Variants in KCNMA1 observed in about 807,000 individuals in gnomAD.
The protein encoded by KCNMA1 is potassium calcium-activated channel subfamily M alpha 1, also known as Calcium-activated potassium channel subunit alpha-1.
Under a neutral mutation model 140.0 loss-of-function variants are expected in KCNMA1, and 29 were observed. The ratio of observed to expected loss-of-function variants is 0.21; its 90% CI spans 0.15 to 0.28. The LOEUF is 0.28. Among genes scored for constraint, KCNMA1 ranks in the 10% least tolerant of loss-of-function variants. The probability of loss-of-function intolerance (pLI) is 1.00; values close to 1 mark genes in which losing one functional copy is unlikely to be tolerated. For missense variants in KCNMA1, 880 were observed against 1,602.2 expected, an observed-to-expected ratio of 0.55 and a Z score of 7.70; for synonymous variants, 612 against 611.9, an observed-to-expected ratio of 1.00 and a Z score of 0.00.
At chr10:77,055,307 G>T (rs1049303434) in intron 14 of KCNMA1, among the ~76,000 whole-genome samples, 3 of 152,106 alleles carry the variant, frequency 2.0e-5, no homozygotes, top group Non-Finnish European at 2.9e-5. Context: ...TTCTCTTCTG[G>T]TATCCTCTAG....
intron 2 of KCNMA1, among the ~76,000 whole-genome samples, chr10:77,285,062 T>C (rs771209658): frequency 6.6e-6 from 1 of 152,202 alleles, no homozygotes; most frequent in Non-Finnish European, 1.5e-5. Flanking sequence ...GTTTGTAAAA[T>C]GAGTTAATTA....
chr10:77,184,520 T>C (rs1454577273), intron 4 of KCNMA1, among the ~76,000 whole-genome samples: 5 of 152,212 alleles, frequency 3.3e-5, no homozygotes, highest in Non-Finnish European at 5.9e-5. Flanking sequence ...ACTCAGCCTA[T>C]TTCTATTTAA....
At chr10:77,047,268 T>C (rs1465136530) in intron 14 of KCNMA1, among the ~76,000 whole-genome samples, 2 of 152,224 alleles carry the variant, frequency 1.3e-5, no homozygotes, top group African/African-American at 4.8e-5. Flanking sequence ...CGGAATGGAC[T>C]TGAGCCAAAT....
At chr10:77,166,764 A>G (rs555749578) in intron 5 of KCNMA1, among the ~76,000 whole-genome samples, 1 of 152,156 alleles carries the variant, frequency 6.6e-6, no homozygotes, top group Non-Finnish European at 1.5e-5. Flanking sequence ...GGTAACTGCT[A>G]GTGGACATTG....
At position 77,482,468 on chromosome 10, in the gene KCNMA1, C is replaced by T. The variant is rs1044922666; in HGVS notation, c.379-78445G>A. ...AGGTCCCAGGAAGGGGAGGCAGCCT[C>T]CTCCTTCTGTCTCTGACCACGCAGC... On this transcript the variant is annotated intron_variant, in intron 1 of 27. Transcript: ENST00000286628. 1.3e-5 allele frequency among the ~76,000 whole-genome samples: 2 copies of T among 152,220 alleles called. 1 individual carries two copies. Among genetic ancestry groups the T allele is most frequent in the South Asian group, 4.1e-4 (2 of 4,834 alleles).
chr10:76,910,135 A>G, intron 24 of KCNMA1, 39 bp from the exon 25 acceptor site: 4 of 1,611,120 alleles, frequency 2.5e-6, no homozygotes, highest in Non-Finnish European at 3.4e-6. Flanking sequence ...TCTGAAGACC[A>G]CACACAGGCA....
At chr10:76,992,730 C>T (rs961756644) in intron 19 of KCNMA1, among the ~76,000 whole-genome samples, 17 of 152,162 alleles carry the variant, frequency 1.1e-4, no homozygotes, top group African/African-American at 3.4e-4. Flanking sequence ...ATCACGGATG[C>T]TGACATAAGT....
At chr10:77,403,239 G>A (rs1416180758) in intron 2 of KCNMA1, among the ~76,000 whole-genome samples, 1 of 152,272 alleles carries the variant, frequency 6.6e-6, no homozygotes, top group Non-Finnish European at 1.5e-5. Flanking sequence ...ATCAGCCCTG[G>A]TTGCAGGTGG....
At chr10:77,414,781 C>T (rs776333207) in intron 1 of KCNMA1, among the ~76,000 whole-genome samples, 4 of 152,132 alleles carry the variant, frequency 2.6e-5, no homozygotes, top group South Asian at 4.1e-4. Context: ...TGAGCCACCA[C>T]GCCTGGCTGC....
chr10:77,531,700 C>T (rs2154552969), intron 1 of KCNMA1, among the ~76,000 whole-genome samples: 1 of 152,290 alleles, frequency 6.6e-6, no homozygotes, highest in Middle Eastern at 3.4e-3. Flanking sequence ...ATGCATAAAC[C>T]CACCAAAGAA....
chr10:76,893,901 G>A (rs1041339723), intron 25 of KCNMA1, among the ~76,000 whole-genome samples: 5 of 152,048 alleles, frequency 3.3e-5, no homozygotes, highest in African/African-American at 1.2e-4. Context: ...TTATTAAGAT[G>A]GAATACTACC....
chr10:77,634,297 C>T lies in KCNMA1; in HGVS notation c.378+2968G>A. ...GAACACAGTACTGGAATGACTGTGA[C>T]CAAGTTCCCAACAGGAGGAAATTGT... is the stretch of plus-strand genomic sequence containing the variant. On this transcript the variant is annotated intron_variant, in intron 1 of 27. Coordinates refer to ENST00000286628, the MANE Select transcript of KCNMA1 (RefSeq NM_001161352.2). 6.1e-6 allele frequency: 6 copies of T among 985,412 alleles called. No homozygotes were observed. The South Asian group carries it at 2.8e-4, about 46-fold the overall frequency. The allele number at this position is 985,412 out of a possible 1,614,324, so 61.0% of individuals were successfully genotyped here. A position where few individuals can be genotyped will look rare whatever the true frequency, so the allele number is the denominator to read the frequency against.
downstream of KCNMA1, among the ~76,000 whole-genome samples, chr10:76,881,203 A>T (rs1401841154): frequency 1.3e-5 from 2 of 152,174 alleles, no homozygotes; most frequent in African/African-American, 4.8e-5. Context: ...GGCTAAGGAG[A>T]CAGCGCAGGG....
intron 25 of KCNMA1, among the ~76,000 whole-genome samples, chr10:76,893,414 G>GGATTTTAAACTCGATGTGGTAGAAA (rs2041069078): frequency 6.6e-6 from 1 of 152,138 alleles, no homozygotes; most frequent in East Asian, 1.9e-4. Context: ...ACCAAGCAAG[G>GGATTTTAAACTCGATGTGGTAGAAA]GATTTTAAAC....
intron 2 of KCNMA1, among the ~76,000 whole-genome samples, chr10:77,279,065 C>A (rs2067556659): frequency 6.6e-6 from 1 of 152,106 alleles, no homozygotes; most frequent in Admixed American, 6.5e-5. Context: ...TTGTTGGAAG[C>A]TCCAGCATTT....
At chr10:77,245,555 G>A (rs1254117127) in intron 3 of KCNMA1, among the ~76,000 whole-genome samples, 4 of 152,098 alleles carry the variant, frequency 2.6e-5, no homozygotes, top group Non-Finnish European at 2.9e-5. Flanking sequence ...TCCATTCTTT[G>A]GGGCCAAATT....
At chr10:77,519,984 G>A (rs1007051976) in intron 1 of KCNMA1, among the ~76,000 whole-genome samples, 4 of 150,396 alleles carry the variant, frequency 2.7e-5, no homozygotes, top group Non-Finnish European at 6.0e-5. Flanking sequence ...GTGAGGGTGT[G>A]CAGTGTGAGG....
intron 19 of KCNMA1, among the ~76,000 whole-genome samples, chr10:76,976,489 G>C (rs555692745): frequency 6.6e-6 from 1 of 152,288 alleles, no homozygotes; most frequent in East Asian, 1.9e-4. Flanking sequence ...GGAATGCAGT[G>C]TTCTCTACAA....
chr10:77,178,693 G>A (rs1410825341), intron 5 of KCNMA1, among the ~76,000 whole-genome samples: 5 of 152,168 alleles, frequency 3.3e-5, no homozygotes, highest in Non-Finnish European at 5.9e-5. Flanking sequence ...CAACAAGGGC[G>A]AAACTCCAAA....
Sources: allele counts gnomAD v4.1 joint callset (sites outside exome capture counted in the v4.1 genomes callset), GRCh38; gene constraint gnomAD v4.1.1; transcripts MANE v1.5; gene names NCBI Gene and HGNC (gene_info 2026-07-23, HGNC 2026-07-21).